The following EPG5 variants were observed in gnomAD, a reference collection of about 807,000 sequenced individuals.
EPG5 encodes ectopic P granules protein 5 homolog.
A neutral mutation model predicts 302.7 loss-of-function variants in EPG5; 159 were observed. The ratio of observed to expected loss-of-function variants is 0.53; its 90% CI spans 0.46 to 0.60. EPG5 has a LOEUF of 0.60. Ranked by LOEUF, EPG5 falls within the 20% of genes least tolerant of loss-of-function variation. EPG5 has a pLI of 0.00. For synonymous variants in EPG5, 1,158 were observed against 1,136.8 expected (o/e 1.02, Z -0.37); for missense variants, 2,896 against 3,092.4 (o/e 0.94, Z 1.51).
intron 27 of EPG5, among the ~76,000 whole-genome samples, chr18:45,897,310 T>C (rs183442053): frequency 1.3e-5 from 2 of 152,352 alleles, no homozygotes; most frequent in South Asian, 2.1e-4. Context: ...TTGTCACTTA[T>C]AAAAATGCAT....
At chr18:45,839,103 C>T in the EPG5 span, 3 of 1,388,866 alleles carry the variant, frequency 2.2e-6, no homozygotes, top group South Asian at 1.6e-5. Flanking sequence ...CAGGTGGGTG[C>T]GCCCCAGACA....
intron 35 of EPG5, 103 bp from the exon 36 acceptor site, chr18:45,870,845 G>T (rs996205133): frequency 2.1e-6 from 2 of 970,074 alleles, no homozygotes; most frequent in African/African-American, 1.6e-5. Context: ...AGGTTCTCAT[G>T]ATTGACCCAA....
Position 45,943,154 on chromosome 18 carries a change from G to A in EPG5, c.1943+7C>T. 1.9e-6 allele frequency: 3 copies of A among 1,613,910 alleles called. No individual in the cohort carries two copies. The highest frequency in any genetic ancestry group is 2.5e-6 in the Non-Finnish European group (3 of 1,179,848). ...AACAGAGAAGGGTAGAGCAACAGCA[G>A]TATTACCTGATCATATAACCAATTC... On this transcript the variant is annotated splice_region_variant and intron_variant, in intron 9 of 43. Coordinates refer to ENST00000282041, the MANE Select transcript of EPG5 (RefSeq NM_020964.3).
chr18:45,902,968 G>A (rs2049655553), intron 25 of EPG5, among the ~76,000 whole-genome samples: 1 of 152,194 alleles, frequency 6.6e-6, no homozygotes, highest in South Asian at 2.1e-4. Flanking sequence ...ACAGTGCTCG[G>A]AACAAACGAA....
chr18:45,837,769 C>A, the EPG5 span: 16 of 1,522,760 alleles, frequency 1.1e-5, no homozygotes, highest in Non-Finnish European at 1.2e-5. Context: ...CGCGCCGCAA[C>A]GACCTCTCGC....
chr18:45,935,194 G>A (rs928536401), intron 10 of EPG5, among the ~76,000 whole-genome samples: 3 of 152,168 alleles, frequency 2.0e-5, no homozygotes, highest in African/African-American at 7.2e-5. Flanking sequence ...ATGTGTGTGT[G>A]TATACATGTA....
intron 24 of EPG5, among the ~76,000 whole-genome samples, chr18:45,906,149 G>A (rs932354993): frequency 7.9e-5 from 12 of 152,008 alleles, no homozygotes; most frequent in South Asian, 2.1e-4. Context: ...GAGAGCTCTC[G>A]TTGAAGCCCC....
chr18:45,858,900 GATA>G, intron 40 of EPG5, 118 bp from the exon 41 acceptor site: 1 of 722,194 alleles, frequency 1.4e-6, no homozygotes, highest in Non-Finnish European at 2.3e-6. Flanking sequence ...CAACCTATGA[GATA>G]ATAAGCTTCA....
chr18:45,814,155 A>C, the EPG5 span, among the ~76,000 whole-genome samples: 1 of 152,190 alleles, frequency 6.6e-6, no homozygotes, highest in East Asian at 1.9e-4. Context: ...ACCAATAACA[A>C]GCCAGACAGA....
chr18:45,821,462 A>G, the EPG5 span, among the ~76,000 whole-genome samples: 1 of 152,246 alleles, frequency 6.6e-6, no homozygotes, highest in Non-Finnish European at 1.5e-5. Context: ...ATTTTATATG[A>G]GAATATCTAA....
At chr18:45,914,333 G>A (rs375446473) in intron 20 of EPG5, among the ~76,000 whole-genome samples, 1 of 152,252 alleles carries the variant, frequency 6.6e-6, no homozygotes, top group South Asian at 2.1e-4. Context: ...GGAAAAGCCC[G>A]GGATGTGTCT....
At chr18:45,895,250 G>A (rs1485144235) in intron 27 of EPG5, among the ~76,000 whole-genome samples, 6 of 152,192 alleles carry the variant, frequency 3.9e-5, no homozygotes, top group African/African-American at 1.4e-4. Context: ...GTAAAGGTGA[G>A]ATTAATTTGG....
intron 2 of EPG5, 74 bp downstream of exon 2, chr18:45,954,320 C>T: frequency 3.6e-6 from 5 of 1,378,072 alleles, no homozygotes; most frequent in Non-Finnish European, 3.0e-6. Context: ...GTGTAAGGCA[C>T]AGACTCCAGA....
Position 45,884,811 on chromosome 18 carries a change from C to A in EPG5, c.5110G>T (p.Val1704Leu). The A allele has an allele frequency of 6.6e-7, 1 of 1,518,912 alleles. No homozygotes were observed. Among genetic ancestry groups the A allele is most frequent in the Non-Finnish European group, 8.8e-7 (1 of 1,140,076 alleles). 94.1% of individuals were successfully genotyped at this position (1,518,912 alleles called of 1,614,324 possible). Residue 1704 changes from valine (V) to leucine (L), a missense_variant and splice_region_variant, in exon 30 of 44, where the codon GTA becomes TTA. Around this residue, in one of 5 missense-constraint regions of EPG5, gnomAD observed 790 missense variants for 798.0 expected, o/e 0.99. Transcript: ENST00000282041. ...FTSCIEILGQ[V>L]FISGIKSECR... Reference sequence around the variant, plus strand: ...TCTGATTTAATGCCACTGATAAATACCTTGGAAAAATAAAAAGGAAAAATG... The same window carrying A: ...TCTGATTTAATGCCACTGATAAATAACTTGGAAAAATAAAAAGGAAAAATG...
the EPG5 span, among the ~76,000 whole-genome samples, chr18:45,824,365 C>T: frequency 6.6e-6 from 1 of 152,202 alleles, no homozygotes; most frequent in African/African-American, 2.4e-5. Flanking sequence ...CACCACCACA[C>T]CCAGCTAATA....
intron 27 of EPG5, among the ~76,000 whole-genome samples, chr18:45,893,294 G>C (rs1302343645): frequency 3.3e-5 from 5 of 152,210 alleles, no homozygotes. Flanking sequence ...ACTAGGCACA[G>C]TGCCTCACAT....
At chr18:45,839,149 C>T in the EPG5 span, 2 of 1,346,864 alleles carry the variant, frequency 1.5e-6, no homozygotes, top group Non-Finnish European at 1.9e-6. Flanking sequence ...GGGCTCTCTG[C>T]TCTTAGATAA....
chr18:45,893,551 T>TAA (rs59916763), intron 27 of EPG5, among the ~76,000 whole-genome samples: 2,014 of 136,736 alleles, frequency 0.015, 30 homozygotes, highest in Non-Finnish European at 0.018. Flanking sequence ...AGACTCTGTC[T>TAA]AAAAAAAAAA....
chr18:45,838,762 C>T, the EPG5 span: 1 of 1,580,632 alleles, frequency 6.3e-7, no homozygotes, highest in Non-Finnish European at 8.5e-7. Context: ...CAGTCCGGCT[C>T]ACGCCTTCCG....
Sources: gnomAD v4.1 joint callset for allele counts (sites outside exome capture counted in the v4.1 genomes callset) on GRCh38, gnomAD v4.1.1 for gene constraint, gnomAD v4.1.1 regional missense constraint, MANE v1.5 for transcripts, NCBI Gene and HGNC (gene_info 2026-07-23, HGNC 2026-07-21) for gene names.